The following ACVR1C variants were observed in gnomAD, a reference collection of about 807,000 sequenced individuals.
ACVR1C encodes activin receptor type-1C.
In ACVR1C, 23 loss-of-function variants were observed where a neutral mutation model predicts 57.9. That is an observed-to-expected ratio of 0.40 (90% CI 0.29 to 0.56). ACVR1C has a LOEUF of 0.56. Among genes scored for constraint, ACVR1C ranks in the 20% least tolerant of loss-of-function variants. The pLI, the probability that ACVR1C is intolerant of heterozygous loss-of-function variation, is 0.50. For missense variants in ACVR1C, 480 were observed against 607.9 expected, an observed-to-expected ratio of 0.79 and a Z score of 2.21; for synonymous variants, 214 against 215.3, an observed-to-expected ratio of 0.99 and a Z score of 0.05.
rs1687615392 is a variant in ACVR1C at position 157,541,052 on chromosome 2, A to G, written c.1225+38T>C. ...ATCACATCTTGTATTCAGAGTATCA[A>G]GGAAAGGCAAACACAAAGGATATTT... On this transcript the variant is annotated intron_variant, in intron 7 of 8. Transcript: ENST00000243349. 1.9e-6 allele frequency: 3 copies of G among 1,602,008 alleles called. No homozygotes were observed. The East Asian group carries it at 6.7e-5, about 36-fold the overall frequency.
intron 4 of ACVR1C, 47 bp downstream of exon 4, chr2:157,550,115 T>C (rs747036107): frequency 1.3e-6 from 2 of 1,569,786 alleles, no homozygotes; most frequent in South Asian, 2.2e-5. Context: ...AGAGTCTCGC[T>C]CTAGACAGCA....
chr2:157,541,251 CTTTATAG>C, intron 6 of ACVR1C, 37 bp from the exon 7 acceptor site: 1 of 1,582,732 alleles, frequency 6.3e-7, no homozygotes, highest in Non-Finnish European at 8.6e-7. Flanking sequence ...CTGTCTATGA[CTTTATAG>C]CAGTCCAGTA....
intron 3 of ACVR1C, among the ~76,000 whole-genome samples, chr2:157,554,217 A>AAGAAAGAAAGAAAGAAAGAGAGAG (rs1558974869): frequency 9.6e-6 from 1 of 104,362 alleles, no homozygotes; most frequent in African/African-American, 4.6e-5. Context: ...GAAAGAAAGA[A>AAGAAAGAAAGAAAGAAAGAGAGAG]AGAAAGAAAG....
At chr2:157,607,484 T>C (rs1324829670) in intron 1 of ACVR1C, among the ~76,000 whole-genome samples, 1 of 151,796 alleles carries the variant, frequency 6.6e-6, no homozygotes, top group African/African-American at 2.4e-5. Flanking sequence ...TTTTAGGATT[T>C]TTTTTATATT....
At chr2:157,558,324 A>G (rs1688155091) in intron 2 of ACVR1C, among the ~76,000 whole-genome samples, 1 of 152,230 alleles carries the variant, frequency 6.6e-6, no homozygotes, top group Non-Finnish European at 1.5e-5. Context: ...TAGTTTCGCC[A>G]TTCTCCAGAT....
intron 1 of ACVR1C, among the ~76,000 whole-genome samples, chr2:157,588,517 C>A (rs1434643641): frequency 6.6e-6 from 1 of 151,668 alleles, no homozygotes; most frequent in Non-Finnish European, 1.5e-5. Context: ...GAAGTCTCAG[C>A]TTTCAGTGTA....
At chr2:157,575,457 T>C (rs547252450) in intron 2 of ACVR1C, among the ~76,000 whole-genome samples, 78 of 152,218 alleles carry the variant, frequency 5.1e-4, no homozygotes, top group African/African-American at 1.7e-3. Flanking sequence ...TTTGTAGAGA[T>C]GCAATTTCAC....
rs1468114340 is a variant in ACVR1C at position 157,556,075 on chromosome 2, T to C, written c.544+18A>G. ...AAAGTGTTTTCTTATTTTAAAAAAA[T>C]GGACAATGGTAACATACCAGAGCCA... On this transcript the variant is annotated intron_variant, in intron 3 of 8. Coordinates refer to ENST00000243349, the MANE Select transcript of ACVR1C (RefSeq NM_145259.3). The C allele has an allele frequency of 2.5e-6, 4 of 1,585,712 alleles. No homozygotes were observed. Among genetic ancestry groups the C allele is most frequent in the African/African-American group, 2.7e-5 (2 of 73,306 alleles).
At chr2:157,559,668 G>A (rs946922130) in intron 2 of ACVR1C, among the ~76,000 whole-genome samples, 2 of 152,168 alleles carry the variant, frequency 1.3e-5, no homozygotes, top group African/African-American at 4.8e-5. Flanking sequence ...CAAAAGTGAG[G>A]TGGGAGGAGT....
At chr2:157,593,309 T>C (rs1391035037) in intron 1 of ACVR1C, among the ~76,000 whole-genome samples, 1 of 152,172 alleles carries the variant, frequency 6.6e-6, no homozygotes, top group Admixed American at 6.5e-5. Context: ...TTGGCAAATA[T>C]TAGGTGTTTT....
rs563495498 is a variant in ACVR1C, at chr2:157,534,184, G to A, written c.1357-141C>T. ...AGATGGGGTCTTGCTATGTTCCCCA[G>A]GCTGGAGTACAATGGCTATTCACAG... On this transcript the variant is annotated intron_variant, in intron 8 of 8. Coordinates refer to ENST00000243349, the MANE Select transcript of ACVR1C (RefSeq NM_145259.3). The A allele has an allele frequency of 4.4e-6, 3 of 683,686 alleles. No homozygotes were observed. In the South Asian group the frequency reaches 1.2e-4, roughly 27 times the overall value. The allele number at this position is 683,686 out of a possible 1,614,324, so 42.4% of individuals were successfully genotyped here.
Position 157,587,253 on chromosome 2 carries a change from T to C in ACVR1C, c.238A>G (p.Asn80Asp), listed in dbSNP as rs754435971. Residue 80 changes from asparagine (N) to aspartate (D), a missense_variant, in exon 2 of 9, where the codon AAT becomes GAT. By Grantham distance (23) the Asn-to-Asp change is conservative (BLOSUM62 1). Transcript: ENST00000243349. ...AAGCAGCATTCGGTTTTGGTAACAT[T>C]GTTGGAACTATGACAGAAGACTTGA... ...NAQVFCHSSN[N>D]VTKTECCFTD... The C allele has an allele frequency of 6.2e-7, 1 of 1,613,720 alleles. No individual in the cohort carries two copies.
intron 1 of ACVR1C, among the ~76,000 whole-genome samples, chr2:157,610,826 G>A (rs781042390): frequency 2.6e-5 from 4 of 151,882 alleles, no homozygotes; most frequent in Admixed American, 6.6e-5. Context: ...CTAGTCTTTT[G>A]TTGAAGCTTT....
rs557531354 is a variant in ACVR1C, at chr2:157,530,339, A to G, written c.*3579T>C. On this transcript the variant is annotated 3_prime_UTR_variant, in exon 9 of 9. Coordinates refer to ENST00000243349, the MANE Select transcript of ACVR1C (RefSeq NM_145259.3). ...ACAAGCAATTTTAAGTTGTTTACTCAAACTTTGTATAATGGCAAACATCAG... is the reference window on the plus strand; with the variant it reads ...ACAAGCAATTTTAAGTTGTTTACTCGAACTTTGTATAATGGCAAACATCAG... The G allele has an allele frequency of 6.6e-6, 1 of 152,226 alleles. No individual in the cohort carries two copies. Among genetic ancestry groups the G allele is most frequent in the East Asian group, 1.9e-4 (1 of 5,178 alleles). The allele number at this position is 152,226 out of a possible 1,614,324, so 9.4% of individuals were successfully genotyped here.
intron 6 of ACVR1C, among the ~76,000 whole-genome samples, chr2:157,542,330 T>C (rs1194831617): frequency 1.3e-5 from 2 of 152,192 alleles, no homozygotes; most frequent in South Asian, 2.1e-4. Context: ...GTAGAACTAG[T>C]CCTGAGTTTC....
chr2:157,575,975 C>T (rs1688636240), intron 2 of ACVR1C, among the ~76,000 whole-genome samples: 1 of 152,086 alleles, frequency 6.6e-6, no homozygotes, highest in African/African-American at 2.4e-5. Flanking sequence ...TACACTCACA[C>T]ATTACTTTGA....
At chr2:157,591,699 CAACT>C (rs1054319020) in intron 1 of ACVR1C, among the ~76,000 whole-genome samples, 43 of 152,158 alleles carry the variant, frequency 2.8e-4, no homozygotes, top group African/African-American at 9.9e-4. Context: ...GCAACTGACA[CAACT>C]AACTAAGGAA....
chr2:157,628,258 T>A (rs4664893), intron 1 of ACVR1C, among the ~76,000 whole-genome samples: 85,706 of 151,790 alleles, frequency 0.56, 27,093 homozygotes, highest in East Asian at 0.97. Context: ...CGCTCTCCTA[T>A]TTTCTCCGCT....
At chr2:157,563,515 C>G (rs941198497) in intron 2 of ACVR1C, among the ~76,000 whole-genome samples, 1 of 152,164 alleles carries the variant, frequency 6.6e-6, no homozygotes, top group Non-Finnish European at 1.5e-5. Flanking sequence ...TAGGAAGAAT[C>G]AATATCGTGA....
Sources: allele counts gnomAD v4.1 joint callset (sites outside exome capture counted in the v4.1 genomes callset), GRCh38; gene constraint gnomAD v4.1.1; transcripts MANE v1.5; gene names NCBI Gene and HGNC (gene_info 2026-07-23, HGNC 2026-07-21).